Variants in TAFA1 observed in about 807,000 individuals in gnomAD.
The protein encoded by TAFA1 is TAFA chemokine like family member 1, also known as chemokine-like protein TAFA-1.
TAFA1 carries 4 observed loss-of-function variants against 18.5 expected under a neutral mutation model. The observed-to-expected ratio is 0.22, with a 90% confidence interval of 0.11 to 0.49. The LOEUF is 0.49. Ranked by LOEUF, TAFA1 falls within the 20% of genes least tolerant of loss-of-function variation. The pLI, the probability that TAFA1 is intolerant of heterozygous loss-of-function variation, is 0.98. For missense variants in TAFA1, 147 were observed against 169.0 expected (o/e 0.87, Z 0.72); for synonymous variants, 56 against 55.2 (o/e 1.01, Z -0.06).
chr3:68,303,554 C>CCTCAGACT (rs1489872002), intron 2 of TAFA1, among the ~76,000 whole-genome samples: 14 of 152,096 alleles, frequency 9.2e-5, no homozygotes, highest in Non-Finnish European at 1.0e-4. Flanking sequence ...CATTCTCCCG[C>CCTCAGACT]CTCAGCCTCT....
At chr3:68,337,805 A>C (rs116147503) in intron 2 of TAFA1, among the ~76,000 whole-genome samples, 175 of 152,298 alleles carry the variant, frequency 1.1e-3, no homozygotes, top group African/African-American at 4.1e-3. Flanking sequence ...AACCCTAGGT[A>C]TGTGAAGTGA....
At position 68,099,205 on chromosome 3, in the gene TAFA1, T is replaced by C. The variant is rs555141611; in HGVS notation, c.118+92461T>C. On this transcript the variant is annotated intron_variant, in intron 2 of 4. Coordinates refer to ENST00000478136, the MANE Select transcript of TAFA1 (RefSeq NM_213609.4). Reference sequence around the variant, plus strand: ...TCTGCACAGCAAAAGAAAATATCAATAGAGTAAACAGATAACCTACAAAAG... The same window carrying C: ...TCTGCACAGCAAAAGAAAATATCAACAGAGTAAACAGATAACCTACAAAAG... Among the ~76,000 whole-genome samples, 415 of 152,010 alleles carry C rather than the reference T, an allele frequency of 2.7e-3. 3 individuals carry two copies. Among genetic ancestry groups the C allele is most frequent in the African/African-American group, 9.6e-3 (399 of 41,458 alleles).
At chr3:68,087,858 A>T (rs997935457) in intron 2 of TAFA1, among the ~76,000 whole-genome samples, 3 of 151,736 alleles carry the variant, frequency 2.0e-5, no homozygotes, top group African/African-American at 7.3e-5. Context: ...TTTTATATTT[A>T]AAAAATTTTT....
intron 2 of TAFA1, among the ~76,000 whole-genome samples, chr3:68,276,533 G>A (rs1422517889): frequency 2.0e-5 from 3 of 152,154 alleles, no homozygotes; most frequent in Admixed American, 1.3e-4. Context: ...TTACCAAGAG[G>A]TATGATAAAT....
intron 2 of TAFA1, among the ~76,000 whole-genome samples, chr3:68,290,302 G>GA (rs1227691509): frequency 6.6e-6 from 1 of 152,034 alleles, no homozygotes; most frequent in Non-Finnish European, 1.5e-5. Flanking sequence ...CAATCTTTGG[G>GA]AAAAACTATT....
intron 2 of TAFA1, among the ~76,000 whole-genome samples, chr3:68,093,831 TC>T (rs1029506161): frequency 1.1e-4 from 17 of 152,068 alleles, no homozygotes; most frequent in African/African-American, 3.9e-4. Context: ...ATTCTCTGTT[TC>T]CCCCTTAAAT....
At chr3:68,097,087 A>G (rs1251199175) in intron 2 of TAFA1, among the ~76,000 whole-genome samples, 1 of 152,108 alleles carries the variant, frequency 6.6e-6, no homozygotes, top group Non-Finnish European at 1.5e-5. Context: ...ATTCCTAAGC[A>G]AAAGAATTGT....
chr3:68,177,242 C>A (rs553189793), intron 2 of TAFA1, among the ~76,000 whole-genome samples: 6 of 152,308 alleles, frequency 3.9e-5, no homozygotes, highest in African/African-American at 1.4e-4. Context: ...GACACCAAGG[C>A]ATGCTCCCTC....
At chr3:68,267,157 T>C (rs1474645947) in intron 2 of TAFA1, among the ~76,000 whole-genome samples, 1 of 152,200 alleles carries the variant, frequency 6.6e-6, no homozygotes, top group Non-Finnish European at 1.5e-5. Context: ...AACACACAGA[T>C]AAGACTTGTT....
At chr3:68,409,755 C>A (rs2070677361) in intron 2 of TAFA1, among the ~76,000 whole-genome samples, 1 of 152,108 alleles carries the variant, frequency 6.6e-6, no homozygotes, top group South Asian at 2.1e-4. Context: ...GGTGTCCATT[C>A]AAAAAATTTG....
intron 2 of TAFA1, among the ~76,000 whole-genome samples, chr3:68,279,351 A>G (rs1575741737): frequency 6.6e-6 from 1 of 152,206 alleles, no homozygotes; most frequent in South Asian, 2.1e-4. Context: ...GGTAGCCACT[A>G]CTTTATGCTT....
chr3:68,227,003 T>C (rs1295279229), intron 2 of TAFA1, among the ~76,000 whole-genome samples: 1 of 152,178 alleles, frequency 6.6e-6, no homozygotes, highest in Non-Finnish European at 1.5e-5. Context: ...TAAGAGAAGC[T>C]GATTTGGCCT....
At chr3:68,180,602 G>T (rs932804592) in intron 2 of TAFA1, among the ~76,000 whole-genome samples, 2 of 152,184 alleles carry the variant, frequency 1.3e-5, no homozygotes, top group South Asian at 2.1e-4. Flanking sequence ...AGTAGTGTCT[G>T]CCCCTTCTAG....
chr3:68,386,666 G>T (rs1302353369), intron 2 of TAFA1, among the ~76,000 whole-genome samples: 3 of 152,218 alleles, frequency 2.0e-5, no homozygotes, highest in East Asian at 3.9e-4. Context: ...GCTCCAGAAG[G>T]CCAGCTGTGT....
intron 2 of TAFA1, among the ~76,000 whole-genome samples, chr3:68,064,207 C>T (rs577844639): frequency 6.6e-6 from 1 of 152,050 alleles, no homozygotes; most frequent in Non-Finnish European, 1.5e-5. Context: ...ACGTGGATCA[C>T]GTGAAAAACC....
intron 3 of TAFA1, among the ~76,000 whole-genome samples, chr3:68,437,573 C>T (rs1020789219): frequency 2.6e-5 from 4 of 151,992 alleles, no homozygotes; most frequent in South Asian, 2.1e-4. Context: ...CGGAATATGC[C>T]ACCTCAATTC....
intron 3 of TAFA1, among the ~76,000 whole-genome samples, chr3:68,496,368 T>C (rs561511626): frequency 6.6e-6 from 1 of 152,314 alleles, no homozygotes; most frequent in South Asian, 2.1e-4. Context: ...CTAGGTCGTA[T>C]GAAATCTTGC....
At chr3:68,282,318 A>AT (rs1328664649) in intron 2 of TAFA1, among the ~76,000 whole-genome samples, 3 of 152,148 alleles carry the variant, frequency 2.0e-5, no homozygotes, top group Non-Finnish European at 4.4e-5. Context: ...GACAACAGGC[A>AT]TTGCACACTT....
chr3:68,248,959 C>T (rs2067138857), intron 2 of TAFA1, among the ~76,000 whole-genome samples: 1 of 152,060 alleles, frequency 6.6e-6, no homozygotes, highest in South Asian at 2.1e-4. Context: ...GTTCTCCTGT[C>T]CAGCCCTCTG....
Sources: allele counts gnomAD v4.1 joint callset (sites outside exome capture counted in the v4.1 genomes callset), GRCh38; gene constraint gnomAD v4.1.1; transcripts MANE v1.5; gene names NCBI Gene and HGNC (gene_info 2026-07-23, HGNC 2026-07-21).